WDR35: variants seen among roughly 807,000 people sequenced by gnomAD.
WDR35 encodes the protein WD repeat domain 35, also known as WD repeat-containing protein 35.
A neutral mutation model predicts 158.3 loss-of-function variants in WDR35; 118 were observed. The ratio of observed to expected loss-of-function variants is 0.75; its 90% CI spans 0.64 to 0.87. WDR35 has a LOEUF of 0.87. Among genes scored for constraint, WDR35 ranks in the 40% least tolerant of loss-of-function variants. The pLI, the probability that WDR35 is intolerant of heterozygous loss-of-function variation, is 0.00. For synonymous variants in WDR35, 448 were observed against 476.1 expected (o/e 0.94, Z 0.77); for missense variants, 1,263 against 1,405.8 (o/e 0.90, Z 1.62).
At position 19,974,452 on chromosome 2, in the gene WDR35, C is replaced by T. The variant is rs1363447039; in HGVS notation, c.736+16G>A. On this transcript the variant is annotated intron_variant, in intron 7 of 26. Transcript: ENST00000281405. ...ATAGAAATTAAAAAAATTTTTTAAA[C>T]AGAAAAATTCCTTACTTTGGTCATT... is the stretch of plus-strand genomic sequence containing the variant. The T allele has an allele frequency of 6.4e-7, 1 of 1,564,196 alleles. No individual in the cohort carries two copies.
intron 12 of WDR35, among the ~76,000 whole-genome samples, chr2:19,952,882 G>A (rs1213936275): frequency 6.5e-5 from 9 of 138,012 alleles, no homozygotes; most frequent in South Asian, 4.7e-4. Flanking sequence ...TCCGCCTCCC[G>A]GGTTCACGCC....
intron 25 of WDR35, among the ~76,000 whole-genome samples, chr2:19,917,442 C>T (rs534705528): frequency 2.6e-5 from 4 of 152,242 alleles, no homozygotes; most frequent in Admixed American, 2.6e-4. Context: ...ATAACAAACT[C>T]CTCCAAGGTA....
intron 25 of WDR35, among the ~76,000 whole-genome samples, chr2:19,929,996 C>T (rs966543827): frequency 9.3e-5 from 14 of 150,556 alleles, no homozygotes; most frequent in African/African-American, 3.4e-4. Flanking sequence ...GTTATACTCC[C>T]GATATTGTAA....
intron 2 of WDR35, among the ~76,000 whole-genome samples, chr2:19,985,880 G>A (rs1040254740): frequency 8.0e-6 from 1 of 125,342 alleles, no homozygotes; most frequent in African/African-American, 3.0e-5. Context: ...CTGGGCAACA[G>A]AGTGAGACCC....
chr2:19,951,743 T>G, intron 12 of WDR35: 1 of 314,666 alleles, frequency 3.2e-6, no homozygotes, highest in Non-Finnish European at 5.8e-6. Context: ...ATATTCCCGA[T>G]GAATTTCATT....
chr2:19,921,325 C>CTA (rs985121984), intron 25 of WDR35, among the ~76,000 whole-genome samples: 8 of 152,150 alleles, frequency 5.3e-5, no homozygotes, highest in Non-Finnish European at 5.9e-5. Flanking sequence ...TGACTACGAA[C>CTA]TATACTACAA....
At chr2:19,979,772 T>TACACACACACAC (rs67421990) in intron 4 of WDR35, among the ~76,000 whole-genome samples, 3,991 of 146,252 alleles carry the variant, frequency 0.027, 71 homozygotes, top group South Asian at 0.077. Context: ...TTCTATCCCC[T>TACACACACACAC]ACACACACAC....
intron 25 of WDR35, among the ~76,000 whole-genome samples, chr2:19,917,488 G>A (rs1020826769): frequency 1.3e-5 from 2 of 152,158 alleles, no homozygotes; most frequent in Admixed American, 1.3e-4. Flanking sequence ...AGGAAGCTAA[G>A]AACCTTGAAA....
chr2:19,959,510 T>A (rs1228351238), intron 11 of WDR35, among the ~76,000 whole-genome samples: 1 of 151,990 alleles, frequency 6.6e-6, no homozygotes. Flanking sequence ...ATAAAACATA[T>A]AAACATGCCT....
intron 16 of WDR35, among the ~76,000 whole-genome samples, 194 bp from the exon 17 acceptor site, chr2:19,942,033 G>C (rs769155697): frequency 1.1e-4 from 17 of 152,136 alleles, no homozygotes; most frequent in Non-Finnish European, 1.6e-4. Context: ...CTGAAGTATT[G>C]TAAAGTAAAT....
At chr2:19,978,910 C>A in intron 4 of WDR35, 31 bp from the exon 5 acceptor site, 1 of 1,611,862 alleles carries the variant, frequency 6.2e-7, no homozygotes, top group South Asian at 1.1e-5. Context: ...AATTACAAGT[C>A]AAAACTTTCA....
At chr2:19,914,940 G>T (rs905655403) in intron 25 of WDR35, among the ~76,000 whole-genome samples, 2 of 151,528 alleles carry the variant, frequency 1.3e-5, no homozygotes, top group Admixed American at 6.6e-5. Context: ...CCTGTTGGGG[G>T]TGGGGGGCTA....
Position 19,987,901 on chromosome 2 carries a change from T to C in WDR35, c.142+1264A>G, listed in dbSNP as rs547869687. Among the ~76,000 whole-genome samples the C allele has an allele frequency of 6.0e-5, 9 of 149,620 alleles. No homozygotes were observed. The East Asian group carries it at 9.8e-4, about 16-fold the overall frequency. On this transcript the variant is annotated intron_variant, in intron 2 of 26. Coordinates refer to ENST00000281405, the MANE Select transcript of WDR35 (RefSeq NM_020779.4). ...ATATACAGACACACATATATATATATACACACGTATATATATATCTATATA... is the reference window on the plus strand; with the variant it reads ...ATATACAGACACACATATATATATACACACACGTATATATATATCTATATA...
chr2:19,974,132 C>T (rs1044466741), intron 7 of WDR35, among the ~76,000 whole-genome samples: 7 of 150,236 alleles, frequency 4.7e-5, no homozygotes, highest in African/African-American at 1.7e-4. Context: ...AAATTGAGGC[C>T]GGGCACAGTG....
At chr2:19,927,647 G>C (rs1436141897) in intron 25 of WDR35, among the ~76,000 whole-genome samples, 1 of 152,122 alleles carries the variant, frequency 6.6e-6, no homozygotes, top group Non-Finnish European at 1.5e-5. Context: ...CTCTTAACAA[G>C]ATCAAAATTT....
At chr2:19,915,857 C>T (rs1001095434) in intron 25 of WDR35, among the ~76,000 whole-genome samples, 1 of 149,416 alleles carries the variant, frequency 6.7e-6, no homozygotes, top group Non-Finnish European at 1.5e-5. Context: ...CCTCGTGGAG[C>T]GTGCAGTGAG....
At chr2:19,962,394 C>T (rs1671691980) in intron 10 of WDR35, 1 of 1,539,854 alleles carries the variant, frequency 6.5e-7, no homozygotes, top group African/African-American at 1.4e-5. Context: ...AAAGACATGA[C>T]TCAACCTAAT....
In WDR35 at chr2:19,912,254, G is replaced by A. The variant is rs1669861929; in HGVS notation, c.*1304C>T. On this transcript the variant is annotated 3_prime_UTR_variant, in exon 27 of 27. Coordinates refer to ENST00000281405, the MANE Select transcript of WDR35 (RefSeq NM_020779.4). ...TTGAGAATTTTTATTTGGTTTATAA[G>A]GCTTTCTGTTCCATGACCTCTGGAA... 1 of 152,170 alleles carries A rather than the reference G, an allele frequency of 6.6e-6. No homozygotes were observed. The highest frequency in any genetic ancestry group is 6.5e-5 in the Admixed American group (1 of 15,276). 9.4% of individuals were successfully genotyped at this position (152,170 alleles called of 1,614,324 possible). A position where few individuals can be genotyped will look rare whatever the true frequency, so the allele number is the denominator to read the frequency against.
At chr2:19,936,094 A>T in intron 20 of WDR35, 125 bp downstream of exon 20, 3 of 1,440,314 alleles carry the variant, frequency 2.1e-6, no homozygotes, top group Non-Finnish European at 2.8e-6. Flanking sequence ...ATGAATCTAG[A>T]GCTATCTGAA....
Sources: allele counts gnomAD v4.1 joint callset (sites outside exome capture counted in the v4.1 genomes callset), GRCh38; gene constraint gnomAD v4.1.1; transcripts MANE v1.5; gene names NCBI Gene and HGNC (gene_info 2026-07-23, HGNC 2026-07-21).